Variants in CHIC2 observed in about 807,000 individuals in gnomAD.
CHIC2 encodes the protein cysteine rich hydrophobic domain 2.
Under a neutral mutation model 25.9 loss-of-function variants are expected in CHIC2, and 14 were observed. The observed-to-expected ratio is 0.54, with a 90% CI of 0.36 to 0.85. CHIC2 has a LOEUF of 0.85. Ranked by LOEUF, CHIC2 falls within the 40% of genes least tolerant of loss-of-function variation. The probability of loss-of-function intolerance (pLI) is 0.01; values close to 1 mark genes in which losing one functional copy is unlikely to be tolerated. For missense variants in CHIC2, 146 were observed against 202.0 expected, an observed-to-expected ratio of 0.72 and a Z score of 1.68; for synonymous variants, 70 against 72.0, an observed-to-expected ratio of 0.97 and a Z score of 0.14.
the CHIC2 span, among the ~76,000 whole-genome samples, chr4:54,084,852 C>T: frequency 4.0e-5 from 6 of 150,630 alleles, no homozygotes; most frequent in South Asian, 2.1e-4. Context: ...CTCAGCTACT[C>T]GGGAGGCTGA....
intron 1 of CHIC2, among the ~76,000 whole-genome samples, chr4:54,063,442 T>A (rs1717397579): frequency 6.6e-6 from 1 of 152,210 alleles, no homozygotes; most frequent in South Asian, 2.1e-4. Context: ...TTTCATTCCT[T>A]ATTAATATCA....
Position 54,019,745 on chromosome 4 carries a change from T to C in CHIC2, c.331-5626A>G, listed in dbSNP as rs1715841960. 2.0e-5 allele frequency among the ~76,000 whole-genome samples: 3 copies of C among 152,310 alleles called. No individual in the cohort carries two copies. In the South Asian group the frequency reaches 6.2e-4, roughly 32 times the overall value. ...GTCCCCATCTGACCCATCTTCTGCC[T>C]GACCTATTTCCACTAAGCAATCATC... On this transcript the variant is annotated intron_variant, in intron 3 of 5. Transcript: ENST00000263921.
At chr4:54,035,630 C>G (rs1036055761) in intron 3 of CHIC2, among the ~76,000 whole-genome samples, 9 of 152,158 alleles carry the variant, frequency 5.9e-5, no homozygotes, top group Non-Finnish European at 1.3e-4. Context: ...TTTCCCCACT[C>G]TGGCTAGAGA....
At chr4:54,087,776 A>G in the CHIC2 span, 1 of 469,904 alleles carries the variant, frequency 2.1e-6, no homozygotes. Flanking sequence ...TACCACCACA[A>G]AGCCCTGTGC....
chr4:54,062,570 T>C (rs1354715943), intron 1 of CHIC2, among the ~76,000 whole-genome samples: 4 of 152,190 alleles, frequency 2.6e-5, no homozygotes, highest in African/African-American at 4.8e-5. Context: ...TCTGAGCACT[T>C]TGCCCACTAT....
rs992036366 is a variant in CHIC2, at chr4:54,064,187, G to T, written c.114C>A (p.Val38=). 6.2e-7 allele frequency: 1 copy of T among 1,603,372 alleles called. No individual in the cohort carries two copies. The highest frequency in any genetic ancestry group is 8.5e-7 in the Non-Finnish European group (1 of 1,175,122). The change falls in exon 1 of 6, where the codon GTC becomes GTA. Residue 38 remains valine (V), a synonymous_variant. Coordinates refer to ENST00000263921, the MANE Select transcript of CHIC2 (RefSeq NM_012110.4). The surrounding 1 kb of genome is among the most constrained non-coding windows in gnomAD (Gnocchi z 4.2). ...CGCCCTCCTCCGGGCCTTACACGGTGACGTGACCGGAGCCGCGGACGACCA... is the reference window on the plus strand; with the variant it reads ...CGCCCTCCTCCGGGCCTTACACGGTTACGTGACCGGAGCCGCGGACGACCA... ...DPVVVRGSGH[V]TVFGLSNKFE...
chr4:54,022,145 T>C (rs528408185), intron 3 of CHIC2, among the ~76,000 whole-genome samples: 1 of 152,258 alleles, frequency 6.6e-6, no homozygotes, highest in Admixed American at 6.5e-5. Context: ...CTTAGCCGTG[T>C]CCCATTTGTA....
intron 3 of CHIC2, among the ~76,000 whole-genome samples, chr4:54,014,760 TC>T (rs1715691356): frequency 1.3e-5 from 2 of 152,142 alleles, no homozygotes; most frequent in Admixed American, 6.6e-5. Context: ...AGAATTTACT[TC>T]AGTTGATTTT....
chr4:54,064,673 A>ACGGG (rs1717461693), upstream of CHIC2: 2 of 1,030,566 alleles, frequency 1.9e-6, no homozygotes, highest in African/African-American at 3.4e-5. The surrounding 1 kb of genome is among the most constrained non-coding windows in gnomAD (Gnocchi z 4.2). Context: ...TCCCGGGCCA[A>ACGGG]CGGGCGGGCG....
chr4:54,080,127 CAT>C, the CHIC2 span, among the ~76,000 whole-genome samples: 150 of 144,390 alleles, frequency 1.0e-3, no homozygotes, highest in South Asian at 1.5e-3. Flanking sequence ...TATATATATA[CAT>C]ATATATATGT....
intron 3 of CHIC2, among the ~76,000 whole-genome samples, chr4:54,036,114 G>A (rs148148100): frequency 2.6e-5 from 4 of 152,180 alleles, no homozygotes; most frequent in African/African-American, 9.6e-5. Context: ...TAATTACTTT[G>A]AATAAGAACT....
At chr4:54,022,292 G>A (rs977036812) in intron 3 of CHIC2, among the ~76,000 whole-genome samples, 5 of 152,084 alleles carry the variant, frequency 3.3e-5, no homozygotes, top group Admixed American at 1.3e-4. Context: ...GACGCTGCCC[G>A]ATCGCCTCAG....
intron 3 of CHIC2, among the ~76,000 whole-genome samples, chr4:54,036,863 A>G (rs1408629944): frequency 6.6e-6 from 1 of 151,410 alleles, no homozygotes; most frequent in Non-Finnish European, 1.5e-5. Flanking sequence ...AGGAATTTTT[A>G]CTCAAAAAAA....
At position 54,029,537 on chromosome 4, in the gene CHIC2, T is replaced by C. The variant is rs575568340; in HGVS notation, c.331-15418A>G. On this transcript the variant is annotated intron_variant, in intron 3 of 5. Coordinates refer to ENST00000263921, the MANE Select transcript of CHIC2 (RefSeq NM_012110.4). ...ACAGCAGTTATAAGACTACATTTCA[T>C]TCATCATTCCTTGTTCACTAGAAAT... Among the ~76,000 whole-genome samples, 7 of 152,344 alleles carry C rather than the reference T, an allele frequency of 4.6e-5. No individual in the cohort carries two copies. In the South Asian group the frequency reaches 1.4e-3, roughly 32 times the overall value.
intron 3 of CHIC2, among the ~76,000 whole-genome samples, chr4:54,046,951 A>G (rs1000824494): frequency 2.0e-5 from 3 of 152,206 alleles, no homozygotes; most frequent in African/African-American, 7.2e-5. Context: ...ACACATTTAC[A>G]AGAAAAAGCA....
Position 54,025,597 on chromosome 4 carries a change from G to A in CHIC2, c.331-11478C>T, listed in dbSNP as rs1001472418. ...GTAAAGGCCGGGCGCAATAGCTCACGCCTGTGATCCCAGCACTTTGGGATA... is the reference window on the plus strand; with the variant it reads ...GTAAAGGCCGGGCGCAATAGCTCACACCTGTGATCCCAGCACTTTGGGATA... On this transcript the variant is annotated intron_variant, in intron 3 of 5. Coordinates refer to ENST00000263921, the MANE Select transcript of CHIC2 (RefSeq NM_012110.4). 3.3e-5 allele frequency among the ~76,000 whole-genome samples: 5 copies of A among 152,064 alleles called. No individual in the cohort carries two copies. In the East Asian group the frequency reaches 7.7e-4, roughly 23 times the overall value.
At chr4:54,082,988 T>C in the CHIC2 span, among the ~76,000 whole-genome samples, 1 of 151,602 alleles carries the variant, frequency 6.6e-6, no homozygotes, top group Non-Finnish European at 1.5e-5. Flanking sequence ...CCATTTTTAT[T>C]TCTACTCTCA....
At chr4:54,034,985 G>C (rs75088366) in intron 3 of CHIC2, among the ~76,000 whole-genome samples, 2,073 of 152,298 alleles carry the variant, frequency 0.014, 17 homozygotes, top group Non-Finnish European at 0.023. Context: ...CCACTTTAGA[G>C]ATTGTTGTGT....
chr4:54,068,182 G>A (rs1717555574), upstream of CHIC2, among the ~76,000 whole-genome samples: 1 of 152,092 alleles, frequency 6.6e-6, no homozygotes, highest in South Asian at 2.1e-4. Flanking sequence ...CTAAATTTCT[G>A]TTGTTTAAGC....
Sources: gnomAD v4.1 joint callset for allele counts (sites outside exome capture counted in the v4.1 genomes callset) on GRCh38, gnomAD v4.1.1 for gene constraint, Gnocchi (gnomAD v3.1) non-coding constraint, MANE v1.5 for transcripts, NCBI Gene and HGNC (gene_info 2026-07-23, HGNC 2026-07-21) for gene names.